CSMD1: variants seen among roughly 807,000 people sequenced by gnomAD.
The protein encoded by CSMD1 is CUB and sushi domain-containing protein 1.
In CSMD1, 213 loss-of-function variants were observed where a neutral mutation model predicts 417.5. The ratio of observed to expected loss-of-function variants is 0.51; its 90% CI spans 0.46 to 0.57. CSMD1 has a LOEUF of 0.57. Ranked by LOEUF, CSMD1 falls within the 20% of genes least tolerant of loss-of-function variation. The pLI is 0.00. For synonymous variants in CSMD1, 2,862 were observed against 1,736.8 expected, an observed-to-expected ratio of 1.65 and a Z score of -16.11; for missense variants, 6,923 against 4,529.7, an observed-to-expected ratio of 1.53 and a Z score of -15.17.
At chr8:4,203,580 G>C (rs576348185) in intron 3 of CSMD1, among the ~76,000 whole-genome samples, 1 of 152,174 alleles carries the variant, frequency 6.6e-6, no homozygotes, top group Admixed American at 6.5e-5. Context: ...GTGTAGCTGG[G>C]AGACTTAGAA....
chr8:4,374,804 T>G (rs34096231), intron 3 of CSMD1, among the ~76,000 whole-genome samples: 35,283 of 151,858 alleles, frequency 0.23, 4,425 homozygotes, highest in Middle Eastern at 0.33. Context: ...CAGGAGAGGA[T>G]GGCAGGAAAA....
intron 5 of CSMD1, among the ~76,000 whole-genome samples, chr8:3,762,148 C>T (rs1041894028): frequency 3.3e-5 from 5 of 152,260 alleles, no homozygotes; most frequent in Non-Finnish European, 4.4e-5. Flanking sequence ...TGCACATCGC[C>T]CCCATCCCCT....
chr8:4,913,404 C>T (rs948131763), intron 1 of CSMD1, among the ~76,000 whole-genome samples: 7 of 152,078 alleles, frequency 4.6e-5, no homozygotes, highest in Non-Finnish European at 8.8e-5. Context: ...TTTCCTAATT[C>T]CTAGTAAAGT....
chr8:4,196,340 T>G (rs1377830855), intron 3 of CSMD1, among the ~76,000 whole-genome samples: 1 of 152,220 alleles, frequency 6.6e-6, no homozygotes, highest in East Asian at 1.9e-4. Flanking sequence ...TAGAGCGGCT[T>G]AAGAGAATAC....
In CSMD1 at chr8:3,844,378, T is replaced by C. The variant is rs115270454; in HGVS notation, c.819-90336A>G. On this transcript the variant is annotated intron_variant, in intron 5 of 69. Transcript: ENST00000635120. ...AGAAGTTCTATCTGGTAGACACACA[T>C]ACACCTCACTCACCAACAAATTATT... 2.1e-3 allele frequency among the ~76,000 whole-genome samples: 317 copies of C among 152,242 alleles called. 1 individual carries two copies. Among genetic ancestry groups the C allele is most frequent in the African/African-American group, 7.5e-3 (310 of 41,548 alleles).
intron 12 of CSMD1, among the ~76,000 whole-genome samples, chr8:3,428,288 C>A (rs751389299): frequency 1.3e-5 from 2 of 152,190 alleles, no homozygotes; most frequent in Non-Finnish European, 2.9e-5. Flanking sequence ...AACGGCTCTG[C>A]AGCCAGAACT....
At chr8:4,435,857 G>A (rs1467547654) in intron 2 of CSMD1, among the ~76,000 whole-genome samples, 1 of 152,182 alleles carries the variant, frequency 6.6e-6, no homozygotes, top group Non-Finnish European at 1.5e-5. Flanking sequence ...CACCTTCCAA[G>A]TATTAGGACT....
intron 2 of CSMD1, among the ~76,000 whole-genome samples, chr8:4,554,582 A>T (rs1014431222): frequency 1.3e-5 from 2 of 152,210 alleles, no homozygotes; most frequent in African/African-American, 4.8e-5. Context: ...GCTGTATATG[A>T]CATTTAAATA....
chr8:3,061,527 G>A lies in CSMD1; in HGVS notation c.7475-8880C>T, dbSNP rs540343255. 5.3e-5 allele frequency among the ~76,000 whole-genome samples: 8 copies of A among 152,254 alleles called. No individual in the cohort carries two copies. The East Asian group carries it at 1.2e-3, about 22-fold the overall frequency. ...TTTAGGATGCACTCGAGCAAACACT[G>A]GGAGACGTGAAGCTTAATCCACAGT... On this transcript the variant is annotated intron_variant, in intron 49 of 69. Transcript: ENST00000635120.
At chr8:3,747,899 G>T (rs1172934492) in intron 6 of CSMD1, among the ~76,000 whole-genome samples, 13 of 152,074 alleles carry the variant, frequency 8.5e-5, no homozygotes. Flanking sequence ...TCCTCAGTGT[G>T]GCGAGCTCCC....
intron 5 of CSMD1, among the ~76,000 whole-genome samples, chr8:3,866,045 A>C (rs182554803): frequency 6.6e-6 from 1 of 150,522 alleles, no homozygotes; most frequent in Non-Finnish European, 1.5e-5. Flanking sequence ...GTAACACTTA[A>C]AAAGAACAAG....
At chr8:3,782,595 T>G (rs549332831) in intron 5 of CSMD1, among the ~76,000 whole-genome samples, 1 of 152,192 alleles carries the variant, frequency 6.6e-6, no homozygotes, top group African/African-American at 2.4e-5. Flanking sequence ...TGTAATCCTA[T>G]GTAACAAACC....
At chr8:4,449,976 C>A (rs1047211390) in intron 2 of CSMD1, among the ~76,000 whole-genome samples, 6 of 152,178 alleles carry the variant, frequency 3.9e-5, no homozygotes, top group African/African-American at 9.7e-5. Context: ...CCACATTCTG[C>A]CTTTCACTGG....
chr8:4,200,206 G>C (rs961247063), intron 3 of CSMD1, among the ~76,000 whole-genome samples: 1 of 152,124 alleles, frequency 6.6e-6, no homozygotes, highest in Non-Finnish European at 1.5e-5. Context: ...TAAATGTTAT[G>C]TTATGAAATT....
chr8:4,920,285 T>A (rs1401797211), intron 1 of CSMD1, among the ~76,000 whole-genome samples: 1 of 152,138 alleles, frequency 6.6e-6, no homozygotes, highest in Non-Finnish European at 1.5e-5. Flanking sequence ...AAATGAGCGA[T>A]CCAAGGCAGT....
intron 15 of CSMD1, among the ~76,000 whole-genome samples, chr8:3,405,161 A>G (rs1208779372): frequency 3.9e-5 from 6 of 152,182 alleles, no homozygotes; most frequent in Admixed American, 2.6e-4. Context: ...TATGCTAACA[A>G]GATAGACAAA....
intron 2 of CSMD1, among the ~76,000 whole-genome samples, chr8:4,542,484 A>G (rs1201126686): frequency 6.6e-6 from 1 of 152,238 alleles, no homozygotes; most frequent in Non-Finnish European, 1.5e-5. Flanking sequence ...CACCAAATCA[A>G]TTTTTTAAAA....
intron 1 of CSMD1, among the ~76,000 whole-genome samples, chr8:4,854,122 C>A (rs1191108643): frequency 6.6e-6 from 1 of 152,034 alleles, no homozygotes; most frequent in Admixed American, 6.5e-5. Context: ...TGAGTTAATG[C>A]AGAAGTGAGT....
chr8:3,913,044 T>C (rs921076767), intron 5 of CSMD1, among the ~76,000 whole-genome samples: 8 of 152,094 alleles, frequency 5.3e-5, no homozygotes, highest in South Asian at 2.1e-4. Context: ...ATCGTGACTT[T>C]AGCAGCAGGG....
Sources: allele counts gnomAD v4.1 joint callset (sites outside exome capture counted in the v4.1 genomes callset), GRCh38; gene constraint gnomAD v4.1.1; transcripts MANE v1.5; gene names NCBI Gene and HGNC (gene_info 2026-07-23, HGNC 2026-07-21).